Variants in NBEA observed in about 807,000 individuals in gnomAD.
NBEA encodes the protein neurobeachin.
NBEA carries 44 observed loss-of-function variants against 343.4 expected under a neutral mutation model. The observed-to-expected ratio is 0.13, with a 90% CI of 0.10 to 0.16. The LOEUF is 0.16. Ranked by LOEUF, NBEA falls within the 10% of genes least tolerant of loss-of-function variation. The probability of loss-of-function intolerance (pLI) is 1.00; values close to 1 mark genes in which losing one functional copy is unlikely to be tolerated. For missense variants in NBEA, 2,555 were observed against 3,631.3 expected (o/e 0.70, Z 7.62); for synonymous variants, 1,175 against 1,238.7 (o/e 0.95, Z 1.08).
At chr13:35,113,903 T>C (rs887722873) in intron 13 of NBEA, among the ~76,000 whole-genome samples, 1 of 152,166 alleles carries the variant, frequency 6.6e-6, no homozygotes, top group Non-Finnish European at 1.5e-5. Context: ...TCTCCTGGGT[T>C]GTATCATTAT....
chr13:35,577,938 A>G (rs911180806), intron 45 of NBEA, among the ~76,000 whole-genome samples: 1 of 152,334 alleles, frequency 6.6e-6, no homozygotes, highest in South Asian at 2.1e-4. Context: ...GTCTGTAGGT[A>G]TGATTTCTAT....
chr13:35,537,201 T>G (rs528088204), intron 41 of NBEA, among the ~76,000 whole-genome samples: 1 of 152,188 alleles, frequency 6.6e-6, no homozygotes, highest in Non-Finnish European at 1.5e-5. Flanking sequence ...AACCACATTT[T>G]TTCTGTCTCC....
intron 34 of NBEA, among the ~76,000 whole-genome samples, chr13:35,242,978 A>G (rs1051697687): frequency 6.6e-5 from 10 of 151,900 alleles, no homozygotes; most frequent in Admixed American, 1.3e-4. Context: ...AAGTTCTACA[A>G]TAGACATATT....
intron 38 of NBEA, among the ~76,000 whole-genome samples, chr13:35,429,202 C>T (rs138863482): frequency 1.1e-3 from 166 of 152,320 alleles, no homozygotes; most frequent in African/African-American, 3.9e-3. Flanking sequence ...TGTTACCAGC[C>T]AGCAGAGATG....
chr13:34,981,436 T>TA (rs1378778496), intron 1 of NBEA, among the ~76,000 whole-genome samples: 5 of 152,230 alleles, frequency 3.3e-5, no homozygotes, highest in African/African-American at 1.2e-4. Context: ...ATCCTTGCTT[T>TA]AAGAAACTGC....
rs2071383390 is a variant in NBEA, at chr13:35,182,483, C to G, written c.4786C>G (p.Pro1596Ala). 5 of 1,610,194 alleles carry G rather than the reference C, an allele frequency of 3.1e-6. No homozygotes were observed. The East Asian group carries it at 1.1e-4, about 36-fold the overall frequency. Reference sequence around the variant, plus strand: ...AGAGACTACAAGAACTGGAAGCCAACCAGGTAGAAACATCAGGCAAGAAAT... The same window carrying G: ...AGAGACTACAAGAACTGGAAGCCAAGCAGGTAGAAACATCAGGCAAGAAAT... ...QRETTRTGSQ[P>A]GRNIRQEINS... is the part of the protein sequence containing the mutation. Residue 1596 changes from proline to alanine, a missense_variant, in exon 29 of 59, where the codon CCA becomes GCA. By Grantham distance (27) the Pro-to-Ala change is conservative. Around this residue, in one of 21 missense-constraint regions of NBEA, gnomAD observed 270 missense variants for 293.3 expected, o/e 0.92. Coordinates refer to ENST00000379939, the MANE Select transcript of NBEA (RefSeq NM_001385012.1).
At chr13:35,277,317 A>G (rs2034657051) in intron 34 of NBEA, among the ~76,000 whole-genome samples, 1 of 152,084 alleles carries the variant, frequency 6.6e-6, no homozygotes, top group African/African-American at 2.4e-5. Context: ...ATATTTGTTC[A>G]TGACTTATTA....
At chr13:35,013,167 A>G (rs966346650) in intron 1 of NBEA, among the ~76,000 whole-genome samples, 5 of 152,204 alleles carry the variant, frequency 3.3e-5, no homozygotes, top group African/African-American at 1.2e-4. Flanking sequence ...ATTTCAGTGC[A>G]TACTATTTAG....
rs575853898 is a variant in NBEA at position 35,599,585 on chromosome 13, A to G, written c.7296+6138A>G. Among the ~76,000 whole-genome samples, 25 of 152,332 alleles carry G rather than the reference A, an allele frequency of 1.6e-4. No homozygotes were observed. The East Asian group carries it at 4.8e-3, about 29-fold the overall frequency. ...CATGTGGTAACTGGCTTCTAAGAGG[A>G]CTAAAACAAAAGCTGCCAGGCCTCT... On this transcript the variant is annotated intron_variant, in intron 47 of 58. Transcript: ENST00000379939.
chr13:35,576,126 T>C (rs913657520), intron 45 of NBEA, among the ~76,000 whole-genome samples: 5 of 151,896 alleles, frequency 3.3e-5, no homozygotes, highest in African/African-American at 4.8e-5. Context: ...GGTTTGGTTT[T>C]TTTTTTTTGA....
intron 1 of NBEA, among the ~76,000 whole-genome samples, chr13:34,977,347 C>T (rs372513670): frequency 3.4e-5 from 5 of 148,636 alleles, no homozygotes; most frequent in African/African-American, 7.4e-5. Flanking sequence ...CTGTCTCTGT[C>T]GCCCAGGCTG....
intron 1 of NBEA, among the ~76,000 whole-genome samples, chr13:34,984,493 G>T (rs147808223): frequency 0.016 from 2,406 of 151,504 alleles, 77 homozygotes; most frequent in African/African-American, 0.049. Context: ...CTCCAGCTTT[G>T]TTCTTTTTGC....
At chr13:35,368,357 C>T (rs1388433677) in intron 38 of NBEA, among the ~76,000 whole-genome samples, 1 of 151,494 alleles carries the variant, frequency 6.6e-6, no homozygotes, top group Non-Finnish European at 1.5e-5. Context: ...ATACTCCTGT[C>T]TCAGCCTTTT....
In NBEA at chr13:34,974,599, G is replaced by A. The variant is rs180957587; in HGVS notation, c.294+31485G>A. On this transcript the variant is annotated intron_variant, in intron 1 of 58. Coordinates refer to ENST00000379939, the MANE Select transcript of NBEA (RefSeq NM_001385012.1). ...TTAGGTAATGTTACTGTAAGCAGAG[G>A]ATAGAGAATAAAGAGAATTGCCCGT... Among the ~76,000 whole-genome samples the A allele has an allele frequency of 2.8e-4, 42 of 152,244 alleles. No homozygotes were observed. In the East Asian group the frequency reaches 4.1e-3, roughly 15 times the overall value.
intron 38 of NBEA, among the ~76,000 whole-genome samples, chr13:35,415,179 A>G (rs1348039957): frequency 6.6e-6 from 1 of 152,164 alleles, no homozygotes; most frequent in African/African-American, 2.4e-5. Context: ...CCCATTCTGT[A>G]GGTTGCCTGT....
chr13:35,410,101 AC>A (rs1248242885), intron 38 of NBEA, among the ~76,000 whole-genome samples: 1 of 152,140 alleles, frequency 6.6e-6, no homozygotes. Context: ...ATTAATAATA[AC>A]TATATCCTAC....
chr13:35,557,939 T>C (rs1371738059), intron 44 of NBEA, among the ~76,000 whole-genome samples: 1 of 152,118 alleles, frequency 6.6e-6, no homozygotes, highest in Non-Finnish European at 1.5e-5. Flanking sequence ...GAATTATATA[T>C]AATATTGGAG....
chr13:35,596,242 G>C (rs997738593), intron 47 of NBEA, among the ~76,000 whole-genome samples: 2 of 152,046 alleles, frequency 1.3e-5, no homozygotes, highest in Non-Finnish European at 2.9e-5. Flanking sequence ...GCTAACTTGA[G>C]AATCTTCTGA....
At chr13:35,589,344 T>G (rs2081424119) in intron 46 of NBEA, among the ~76,000 whole-genome samples, 2 of 152,122 alleles carry the variant, frequency 1.3e-5, no homozygotes, top group Non-Finnish European at 2.9e-5. Context: ...ACACCTACTC[T>G]GAAGGGCGAT....
Sources: allele counts gnomAD v4.1 joint callset (sites outside exome capture counted in the v4.1 genomes callset), GRCh38; gene constraint gnomAD v4.1.1; regional missense constraint gnomAD v4.1.1; transcripts MANE v1.5; gene names NCBI Gene and HGNC (gene_info 2026-07-23, HGNC 2026-07-21).